Variants in RAP1GDS1 observed in about 807,000 individuals in gnomAD.
RAP1GDS1 encodes the protein Rap1 GTPase-GDP dissociation stimulator 1, also known as RAP1, GTP-GDP dissociation stimulator 1.
A neutral mutation model predicts 71.1 loss-of-function variants in RAP1GDS1; 35 were observed. The ratio of observed to expected loss-of-function variants is 0.49; its 90% CI spans 0.38 to 0.65. The LOEUF (loss-of-function observed/expected upper bound fraction) is 0.65. Among genes scored for constraint, RAP1GDS1 ranks in the 30% least tolerant of loss-of-function variants. The probability of loss-of-function intolerance (pLI) is 0.00; values close to 1 mark genes in which losing one functional copy is unlikely to be tolerated. For missense variants in RAP1GDS1, 663 were observed against 706.1 expected (o/e 0.94, Z 0.69); for synonymous variants, 229 against 243.1 (o/e 0.94, Z 0.54).
chr4:98,346,982 T>C (rs922129740), intron 3 of RAP1GDS1, among the ~76,000 whole-genome samples: 2 of 152,202 alleles, frequency 1.3e-5, no homozygotes, highest in Non-Finnish European at 2.9e-5. Context: ...AAGAAAAATA[T>C]AAAAAGCTAA....
chr4:98,268,411 A>C (rs758521629), intron 1 of RAP1GDS1, among the ~76,000 whole-genome samples: 2 of 152,156 alleles, frequency 1.3e-5, no homozygotes, highest in Non-Finnish European at 2.9e-5. Context: ...GAGAAAAAAA[A>C]CAAGGATGCC....
chr4:98,272,699 C>G (rs1162675003), intron 1 of RAP1GDS1, among the ~76,000 whole-genome samples: 1 of 152,106 alleles, frequency 6.6e-6, no homozygotes, highest in Non-Finnish European at 1.5e-5. Context: ...GTGACCATGA[C>G]CTTTTTTTGG....
chr4:98,416,599 C>T (rs962658963), intron 7 of RAP1GDS1, 146 bp from the exon 8 acceptor site: 12 of 586,676 alleles, frequency 2.0e-5, no homozygotes, highest in Non-Finnish European at 3.3e-5. Flanking sequence ...ATCCGCCCAT[C>T]TCGGCCTCCC....
At chr4:98,310,654 G>T (rs756988423) in intron 2 of RAP1GDS1, among the ~76,000 whole-genome samples, 2 of 152,076 alleles carry the variant, frequency 1.3e-5, no homozygotes, top group Non-Finnish European at 2.9e-5. Flanking sequence ...CTGATAATAT[G>T]CATGCTGATG....
At chr4:98,409,885 A>T (rs1168613312) in intron 7 of RAP1GDS1, 1 of 168,948 alleles carries the variant, frequency 5.9e-6, no homozygotes, top group African/African-American at 2.4e-5. Flanking sequence ...AATGTAAGCT[A>T]GGAGAATATC....
chr4:98,436,875 G>A (rs1458830604), intron 13 of RAP1GDS1, 65 bp from the exon 14 acceptor site: 1 of 1,402,262 alleles, frequency 7.1e-7, no homozygotes, highest in African/African-American at 1.5e-5. Context: ...TCTTCAAAAT[G>A]AAGCAGTGTT....
At chr4:98,276,230 C>T (rs1724179210) in intron 1 of RAP1GDS1, among the ~76,000 whole-genome samples, 1 of 152,112 alleles carries the variant, frequency 6.6e-6, no homozygotes, top group African/African-American at 2.4e-5. Context: ...ACAAGGGCTC[C>T]ACTCTAATGA....
chr4:98,292,829 G>T (rs1297029560), intron 1 of RAP1GDS1, among the ~76,000 whole-genome samples: 1 of 152,054 alleles, frequency 6.6e-6, no homozygotes, highest in Non-Finnish European at 1.5e-5. Context: ...TGATCTAGAG[G>T]AATTCACATA....
chr4:98,384,061 A>G (rs1560936072), intron 5 of RAP1GDS1, among the ~76,000 whole-genome samples: 1 of 151,614 alleles, frequency 6.6e-6, no homozygotes, highest in Non-Finnish European at 1.5e-5. Context: ...TGTAAAAGGT[A>G]AAATTGTATC....
chr4:98,304,775 A>G (rs918598619), intron 2 of RAP1GDS1, among the ~76,000 whole-genome samples: 1 of 151,904 alleles, frequency 6.6e-6, no homozygotes, highest in Non-Finnish European at 1.5e-5. Context: ...CCCCTTGTCT[A>G]TGTTCTGAAT....
chr4:98,425,457 G>C (rs1385077889), intron 12 of RAP1GDS1, among the ~76,000 whole-genome samples: 1 of 152,076 alleles, frequency 6.6e-6, no homozygotes, highest in Non-Finnish European at 1.5e-5. Flanking sequence ...GAATAGATAA[G>C]AATTCATTAA....
intron 7 of RAP1GDS1, among the ~76,000 whole-genome samples, chr4:98,415,010 C>T (rs1560984314): frequency 6.6e-6 from 1 of 152,044 alleles, no homozygotes; most frequent in African/African-American, 2.4e-5. Flanking sequence ...TGATTTGGCT[C>T]TCTGTTTGTC....
chr4:98,422,573 G>C (rs774552216), intron 12 of RAP1GDS1, among the ~76,000 whole-genome samples: 1 of 152,172 alleles, frequency 6.6e-6, no homozygotes, highest in Non-Finnish European at 1.5e-5. Context: ...AACTTCAGTA[G>C]TGATTATATA....
chr4:98,286,759 G>C lies in RAP1GDS1; in HGVS notation c.5-6649G>C, dbSNP rs537113278. ...AAATTAGCTGGGCGTGGTGGCAGGT[G>C]CCTGTAATCCCAGCTGTTTGGGAGG... On this transcript the variant is annotated intron_variant, in intron 1 of 14. Transcript: ENST00000408927. Among the ~76,000 whole-genome samples the C allele has an allele frequency of 3.9e-5, 6 of 151,964 alleles. No homozygotes were observed. The South Asian group carries it at 1.2e-3, about 32-fold the overall frequency.
At chr4:98,285,296 C>G (rs1725806651) in intron 1 of RAP1GDS1, among the ~76,000 whole-genome samples, 1 of 152,038 alleles carries the variant, frequency 6.6e-6, no homozygotes, top group South Asian at 2.1e-4. Context: ...TTTACTTGTT[C>G]TTTATTCTGA....
At chr4:98,277,861 C>T (rs1270111671) in intron 1 of RAP1GDS1, among the ~76,000 whole-genome samples, 1 of 152,126 alleles carries the variant, frequency 6.6e-6, no homozygotes, top group Non-Finnish European at 1.5e-5. Context: ...CCAAATATAC[C>T]ATGTAGATGG....
At chr4:98,418,022 G>A (rs999457459) in intron 9 of RAP1GDS1, among the ~76,000 whole-genome samples, 12 of 151,948 alleles carry the variant, frequency 7.9e-5, no homozygotes, top group African/African-American at 2.4e-4. Flanking sequence ...TCATTCTTAC[G>A]TTCCTCATGA....
chr4:98,428,332 A>C (rs1391474102), intron 12 of RAP1GDS1, among the ~76,000 whole-genome samples: 1 of 152,200 alleles, frequency 6.6e-6, no homozygotes, highest in Non-Finnish European at 1.5e-5. Flanking sequence ...AAATGCAATA[A>C]AAACAAAGGT....
rs1399879556 is a variant in RAP1GDS1, at chr4:98,392,034, T to G, written c.591T>G (p.Ala197=). 1 of 1,612,850 alleles carries G rather than the reference T, an allele frequency of 6.2e-7. No homozygotes were observed. The highest frequency in any genetic ancestry group is 1.7e-5 in the Admixed American group (1 of 59,972). Reference sequence around the variant, plus strand: ...TGGGCATCCACTGCCAAAATGCAGCTCTTACAGAAATGTGTCTTGTTGCAT... The same window carrying G: ...TGGGCATCCACTGCCAAAATGCAGCGCTTACAGAAATGTGTCTTGTTGCAT... The part of the protein sequence containing the change: ...KLLGIHCQNA[A]LTEMCLVAFG... Residue 197 remains alanine, a synonymous_variant, in exon 6 of 15, where the codon GCT becomes GCG. Transcript: ENST00000408927.
Sources: gnomAD v4.1 joint callset for allele counts (sites outside exome capture counted in the v4.1 genomes callset) on GRCh38, gnomAD v4.1.1 for gene constraint, MANE v1.5 for transcripts, NCBI Gene and HGNC (gene_info 2026-07-23, HGNC 2026-07-21) for gene names.